PTPRK: variants seen among roughly 807,000 people sequenced by gnomAD.
PTPRK encodes protein tyrosine phosphatase receptor type K.
Under a neutral mutation model 178.0 loss-of-function variants are expected in PTPRK, and 75 were observed. The observed-to-expected ratio is 0.42, with a 90% CI of 0.35 to 0.51. PTPRK has a LOEUF of 0.51. PTPRK is among the 20% of genes least tolerant of loss of function. The pLI is 0.02. For missense variants in PTPRK, 1,441 were observed against 1,797.8 expected (o/e 0.80, Z 3.59); for synonymous variants, 637 against 620.6 (o/e 1.03, Z -0.39).
At chr6:128,255,322 T>A (rs182245671) in intron 3 of PTPRK, among the ~76,000 whole-genome samples, 2 of 152,098 alleles carry the variant, frequency 1.3e-5, no homozygotes, top group Non-Finnish European at 2.9e-5. Context: ...TGGAGAGAGA[T>A]AAACTCATCT....
chr6:128,181,427 A>T (rs1801886717), intron 7 of PTPRK, among the ~76,000 whole-genome samples: 1 of 152,108 alleles, frequency 6.6e-6, no homozygotes, highest in Non-Finnish European at 1.5e-5. Context: ...ATCAGATTAT[A>T]TTAATGGCAA....
intron 10 of PTPRK, among the ~76,000 whole-genome samples, chr6:128,082,020 G>A (rs1039722312): frequency 2.0e-5 from 3 of 151,910 alleles, no homozygotes; most frequent in African/African-American, 4.8e-5. Context: ...TAATGTCAGG[G>A]AAAATGAAAC....
intron 13 of PTPRK, among the ~76,000 whole-genome samples, chr6:128,045,083 T>G: frequency 6.6e-6 from 1 of 152,072 alleles, no homozygotes; most frequent in Non-Finnish European, 1.5e-5. Flanking sequence ...AGCTGACTTC[T>G]TAAGATGTAG....
chr6:128,087,618 T>C (rs1786127430), intron 8 of PTPRK, among the ~76,000 whole-genome samples: 1 of 151,922 alleles, frequency 6.6e-6, no homozygotes, highest in Non-Finnish European at 1.5e-5. Context: ...GGAAAGGGGG[T>C]GTTGTTTAAA....
chr6:128,255,182 G>A (rs1160517031), intron 3 of PTPRK, among the ~76,000 whole-genome samples: 3 of 152,084 alleles, frequency 2.0e-5, no homozygotes, highest in African/African-American at 7.2e-5. Flanking sequence ...GTAGAGACGG[G>A]GTTTCACCAT....
chr6:128,409,425 G>T, intron 1 of PTPRK: 1 of 349,530 alleles, frequency 2.9e-6, no homozygotes, highest in Non-Finnish European at 5.6e-6. Flanking sequence ...GGAAGGGATG[G>T]GTTTATAACT....
rs535458932 is a variant in PTPRK at position 128,072,766 on chromosome 6, A to G, written c.1884-4974T>C. 2.0e-5 allele frequency among the ~76,000 whole-genome samples: 3 copies of G among 152,128 alleles called. No individual in the cohort carries two copies. In the South Asian group the frequency reaches 6.2e-4, roughly 32 times the overall value. ...TTCTGCCATGAAGGCTTCTTGAACT[A>G]TCTTCATTCCTCAGTACTCTGTCTT... On this transcript the variant is annotated intron_variant, in intron 11 of 29. Coordinates refer to ENST00000368226, the MANE Select transcript of PTPRK (RefSeq NM_002844.4).
chr6:128,354,544 T>C (rs866064869), intron 2 of PTPRK, among the ~76,000 whole-genome samples: 1 of 152,180 alleles, frequency 6.6e-6, no homozygotes, highest in Non-Finnish European at 1.5e-5. Context: ...CTCCTTTACA[T>C]GTTTAATGTT....
chr6:128,518,450 T>C lies in PTPRK; in HGVS notation c.100+1809A>G, dbSNP rs142065047. Reference sequence around the variant, plus strand: ...GAAAAAGTTTTCTAACTGCTGAAAATATATCCATCGCTGTTGAGACATTAA... The same window carrying C: ...GAAAAAGTTTTCTAACTGCTGAAAACATATCCATCGCTGTTGAGACATTAA... On this transcript the variant is annotated intron_variant, in intron 1 of 29. Coordinates refer to ENST00000368226, the MANE Select transcript of PTPRK (RefSeq NM_002844.4). Among the ~76,000 whole-genome samples, 186 of 152,326 alleles carry C rather than the reference T, an allele frequency of 1.2e-3. 2 individuals are homozygous for C. Among genetic ancestry groups the C allele is most frequent in the African/African-American group, 4.1e-3 (171 of 41,570 alleles).
At chr6:128,306,516 C>A (rs1826399178) in intron 3 of PTPRK, among the ~76,000 whole-genome samples, 1 of 152,148 alleles carries the variant, frequency 6.6e-6, no homozygotes, top group Non-Finnish European at 1.5e-5. Context: ...AGAGAATCGG[C>A]AAGGTATGGT....
At chr6:128,246,356 T>A (rs1002082953) in intron 3 of PTPRK, among the ~76,000 whole-genome samples, 1 of 152,114 alleles carries the variant, frequency 6.6e-6, no homozygotes, top group Non-Finnish European at 1.5e-5. Flanking sequence ...AAGTTTCATA[T>A]GTGTTCATTT....
At chr6:128,316,471 C>T (rs1245711744) in intron 3 of PTPRK, among the ~76,000 whole-genome samples, 1 of 152,142 alleles carries the variant, frequency 6.6e-6, no homozygotes, top group East Asian at 1.9e-4. Context: ...CACCACCCTA[C>T]ATAAAAGCAG....
chr6:128,002,716 C>A (rs1457462800), intron 15 of PTPRK, among the ~76,000 whole-genome samples: 1 of 151,878 alleles, frequency 6.6e-6, no homozygotes, highest in Non-Finnish European at 1.5e-5. Flanking sequence ...ACTTTACCTA[C>A]ATTAAAACAT....
intron 1 of PTPRK, among the ~76,000 whole-genome samples, chr6:128,502,567 T>A (rs182063453): frequency 4.3e-4 from 65 of 152,306 alleles, no homozygotes; most frequent in African/African-American, 1.3e-3. Flanking sequence ...TTATAAGGCA[T>A]GGAGTAGTGG....
chr6:128,216,228 G>T (rs567202058), intron 6 of PTPRK, among the ~76,000 whole-genome samples: 1 of 152,074 alleles, frequency 6.6e-6, no homozygotes, highest in Non-Finnish European at 1.5e-5. Context: ...CTTATGGCAG[G>T]ACTTTCTTTA....
At chr6:128,467,785 A>G (rs1850070098) in intron 1 of PTPRK, among the ~76,000 whole-genome samples, 1 of 150,592 alleles carries the variant, frequency 6.6e-6, no homozygotes, top group African/African-American at 2.4e-5. Context: ...CTGTCCCATT[A>G]ATCCTCTCAT....
intron 7 of PTPRK, among the ~76,000 whole-genome samples, chr6:128,092,484 G>T (rs1787154390): frequency 6.6e-6 from 1 of 151,978 alleles, no homozygotes; most frequent in African/African-American, 2.4e-5. Flanking sequence ...AATTTTTTCA[G>T]TTTTTACTGA....
chr6:128,260,854 C>T (rs900657193), intron 3 of PTPRK, among the ~76,000 whole-genome samples: 1 of 152,088 alleles, frequency 6.6e-6, no homozygotes, highest in Non-Finnish European at 1.5e-5. Context: ...TTTAAAGACA[C>T]CTAAAAAATA....
chr6:127,989,678 A>C (rs1429423581), intron 21 of PTPRK, among the ~76,000 whole-genome samples: 2 of 152,120 alleles, frequency 1.3e-5, no homozygotes, highest in Non-Finnish European at 2.9e-5. Context: ...ATATGTTTCA[A>C]CATACTCTAA....
Sources: allele counts gnomAD v4.1 joint callset (sites outside exome capture counted in the v4.1 genomes callset), GRCh38; gene constraint gnomAD v4.1.1; transcripts MANE v1.5; gene names NCBI Gene and HGNC (gene_info 2026-07-23, HGNC 2026-07-21).